RELN: variants seen among roughly 807,000 people sequenced by gnomAD.
The protein encoded by RELN is reelin.
Under a neutral mutation model 427.6 loss-of-function variants are expected in RELN, and 108 were observed. That is an observed-to-expected ratio of 0.25 (90% CI 0.22 to 0.30). The LOEUF (loss-of-function observed/expected upper bound fraction) is 0.30, where lower values mean the gene tolerates loss of function less well. RELN is among the 10% of genes least tolerant of loss of function. The pLI, the probability that RELN is intolerant of heterozygous loss-of-function variation, is 1.00. For synonymous variants in RELN, 1,524 were observed against 1,513.4 expected, an observed-to-expected ratio of 1.01 and a Z score of -0.16; for missense variants, 3,715 against 4,302.8, an observed-to-expected ratio of 0.86 and a Z score of 3.82.
intron 3 of RELN, among the ~76,000 whole-genome samples, chr7:103,786,683 A>G (rs1265520292): frequency 1.3e-5 from 2 of 152,210 alleles, no homozygotes; most frequent in Non-Finnish European, 2.9e-5. Context: ...CCAATACAGG[A>G]GCATCCAGAT....
intron 8 of RELN, among the ~76,000 whole-genome samples, chr7:103,701,902 T>C (rs1014359136): frequency 1.3e-5 from 2 of 152,322 alleles, no homozygotes; most frequent in African/African-American, 4.8e-5. Flanking sequence ...GCAAATGGCA[T>C]CTGTTGACAA....
chr7:103,594,040 C>T (rs1242475424), intron 26 of RELN, among the ~76,000 whole-genome samples, 158 bp from the exon 27 acceptor site: 1 of 152,164 alleles, frequency 6.6e-6, no homozygotes, highest in Non-Finnish European at 1.5e-5. Context: ...AACTTTTTCT[C>T]CTGATGATTC....
intron 11 of RELN, among the ~76,000 whole-genome samples, chr7:103,663,974 G>A (rs1336883444): frequency 6.6e-6 from 1 of 152,152 alleles, no homozygotes; most frequent in East Asian, 1.9e-4. Flanking sequence ...CTACCAGTCT[G>A]TCCGATTCCT....
chr7:103,859,440 C>G (rs1039583556), intron 2 of RELN, among the ~76,000 whole-genome samples: 7 of 152,124 alleles, frequency 4.6e-5, no homozygotes, highest in Middle Eastern at 3.4e-3. Flanking sequence ...ACTACAGGCA[C>G]CCACCACCAC....
chr7:103,960,631 C>T (rs1445108549), intron 1 of RELN, among the ~76,000 whole-genome samples: 2 of 151,956 alleles, frequency 1.3e-5, no homozygotes, highest in African/African-American at 4.8e-5. Flanking sequence ...AGAATGGTTC[C>T]CAAAGCAGGA....
chr7:103,549,409 C>A (rs927996426), intron 41 of RELN, among the ~76,000 whole-genome samples: 2 of 152,110 alleles, frequency 1.3e-5, no homozygotes, highest in Non-Finnish European at 2.9e-5. Context: ...AACTAATTGC[C>A]CCCTAAAATG....
rs1485902960 is a variant in RELN, at chr7:103,953,196, T to C, written c.226+35935A>G. Reference sequence around the variant, plus strand: ...AATCAGGGCAAGAAAAGTCTTCCCATGGAAGACAAGCCCTTGAAAGTATCC... The same window carrying C: ...AATCAGGGCAAGAAAAGTCTTCCCACGGAAGACAAGCCCTTGAAAGTATCC... On this transcript the variant is annotated intron_variant, in intron 1 of 64. Transcript: ENST00000428762. This position sits in a 1 kb window ranked among gnomAD's most constrained non-coding sequence, Gnocchi z 4.3. 2.0e-5 allele frequency among the ~76,000 whole-genome samples: 3 copies of C among 152,194 alleles called. No homozygotes were observed. Among genetic ancestry groups the C allele is most frequent in the African/African-American group, 7.2e-5 (3 of 41,456 alleles).
intron 27 of RELN, among the ~76,000 whole-genome samples, chr7:103,591,009 T>A (rs986323013): frequency 8.5e-5 from 13 of 152,360 alleles, no homozygotes; most frequent in Middle Eastern, 3.4e-3. Flanking sequence ...TAGTTATCTG[T>A]GCTCATTTTG....
intron 31 of RELN, among the ~76,000 whole-genome samples, chr7:103,571,905 C>T (rs1347565906): frequency 2.0e-5 from 3 of 151,802 alleles, no homozygotes; most frequent in Non-Finnish European, 2.9e-5. Context: ...TTTGTGCCTC[C>T]CTGCGGATAG....
chr7:103,552,550 T>A (rs1830437088), intron 40 of RELN, among the ~76,000 whole-genome samples: 2 of 149,660 alleles, frequency 1.3e-5, no homozygotes, highest in Middle Eastern at 3.4e-3. Flanking sequence ...GTGCCCAGGC[T>A]GGAGTGTAGT....
intron 1 of RELN, among the ~76,000 whole-genome samples, chr7:103,960,471 AGTTTT>A (rs1470471909): frequency 4.0e-5 from 6 of 151,764 alleles, no homozygotes. Context: ...TTTCCTCCTT[AGTTTT>A]ATTTATCTCA....
chr7:103,794,498 CT>C (rs1172545729), intron 3 of RELN, among the ~76,000 whole-genome samples: 1 of 152,166 alleles, frequency 6.6e-6, no homozygotes, highest in African/African-American at 2.4e-5. Flanking sequence ...TGATTTTTCA[CT>C]TTCCTTGGTA....
At chr7:103,567,071 C>A (rs1289341824) in intron 31 of RELN, among the ~76,000 whole-genome samples, 1 of 152,172 alleles carries the variant, frequency 6.6e-6, no homozygotes, top group African/African-American at 2.4e-5. Flanking sequence ...ATTTTAGATT[C>A]TGTTCTGAAC....
intron 2 of RELN, among the ~76,000 whole-genome samples, chr7:103,878,684 G>A (rs548114226): frequency 6.6e-6 from 1 of 152,250 alleles, no homozygotes; most frequent in South Asian, 2.1e-4. Flanking sequence ...ACAATCATTT[G>A]TACCCAGGAT....
chr7:103,881,783 G>T (rs559837111), intron 2 of RELN, among the ~76,000 whole-genome samples: 1 of 152,128 alleles, frequency 6.6e-6, no homozygotes, highest in East Asian at 1.9e-4. Context: ...AAGAAGCCCT[G>T]CCCAAAGTAA....
intron 1 of RELN, among the ~76,000 whole-genome samples, chr7:103,979,014 T>C (rs549336774): frequency 1.2e-4 from 19 of 152,270 alleles, no homozygotes; most frequent in Non-Finnish European, 2.6e-4. Flanking sequence ...AACATCTATA[T>C]GTGGAACATC....
chr7:103,904,439 C>T (rs1795151337), intron 2 of RELN, among the ~76,000 whole-genome samples: 2 of 152,142 alleles, frequency 1.3e-5, no homozygotes, highest in African/African-American at 4.8e-5. Context: ...ACACTGTCTT[C>T]CACAATGGTT....
At chr7:103,784,610 T>C (rs1281706616) in intron 3 of RELN, among the ~76,000 whole-genome samples, 2 of 152,184 alleles carry the variant, frequency 1.3e-5, no homozygotes, top group African/African-American at 4.8e-5. Flanking sequence ...GGATACATAA[T>C]TTTTTCTTAA....
chr7:103,566,851 A>C, intron 31 of RELN, 92 bp from the exon 32 acceptor site: 2 of 1,237,058 alleles, frequency 1.6e-6, no homozygotes, highest in Non-Finnish European at 2.4e-6. Context: ...AGCAACCTCA[A>C]ATTGTGTCTC....
Sources: allele counts gnomAD v4.1 joint callset (sites outside exome capture counted in the v4.1 genomes callset), GRCh38; gene constraint gnomAD v4.1.1; non-coding constraint Gnocchi (gnomAD v3.1); transcripts MANE v1.5; gene names NCBI Gene and HGNC (gene_info 2026-07-23, HGNC 2026-07-21).